The following PCDHA11 variants were observed in gnomAD, a reference collection of about 807,000 sequenced individuals.
PCDHA11 encodes the protein protocadherin alpha-11.
Under a neutral mutation model 70.3 loss-of-function variants are expected in PCDHA11, and 61 were observed. The observed-to-expected ratio is 0.87, with a 90% confidence interval of 0.71 to 1.07. The LOEUF (loss-of-function observed/expected upper bound fraction) is 1.07, where lower values mean the gene tolerates loss of function less well. PCDHA11 is among the 50% of genes least tolerant of loss of function. PCDHA11 has a pLI of 0.00. For missense variants in PCDHA11, 1,324 were observed against 1,237.5 expected (o/e 1.07, Z -1.05); for synonymous variants, 633 against 555.1 (o/e 1.14, Z -1.97).
chr5:140,912,359 G>A (rs1483575347), intron 1 of PCDHA11, among the ~76,000 whole-genome samples: 1 of 131,950 alleles, frequency 7.6e-6, no homozygotes, highest in Non-Finnish European at 1.6e-5. Context: ...TTTTTTTTTT[G>A]CAGCTGTTGT....
intron 1 of PCDHA11, among the ~76,000 whole-genome samples, chr5:140,917,561 C>T (rs1286710001): frequency 6.6e-6 from 1 of 152,214 alleles, no homozygotes; most frequent in Non-Finnish European, 1.5e-5. Flanking sequence ...ACTCTTTAAT[C>T]CATCTCAGGC....
At chr5:140,909,087 T>G (rs2074309493) in intron 1 of PCDHA11, among the ~76,000 whole-genome samples, 1 of 152,234 alleles carries the variant, frequency 6.6e-6, no homozygotes, top group Admixed American at 6.5e-5. Flanking sequence ...TGTTTGCTAC[T>G]TCTCACTCAC....
chr5:140,919,933 T>C (rs2153555434), intron 1 of PCDHA11, among the ~76,000 whole-genome samples: 1 of 152,222 alleles, frequency 6.6e-6, no homozygotes. Flanking sequence ...AGGTGGGGGC[T>C]AATTCCAGTG....
chr5:140,869,328 G>C lies in PCDHA11; in HGVS notation c.225G>C (p.Leu75=). Residue 75 remains leucine, a synonymous_variant, in exon 1 of 4, where the codon CTG becomes CTC. Coordinates refer to ENST00000398640, the MANE Select transcript of PCDHA11 (RefSeq NM_018902.5). ...RVASKTHGDL[L]EVNLQNGILF... is the part of the protein sequence containing the mutation. ...CGTCCAAAACACATGGGGACCTTCT[G>C]GAGGTAAATCTGCAGAATGGCATTT... The C allele has an allele frequency of 1.2e-6, 2 of 1,613,960 alleles. No individual in the cohort carries two copies. The highest frequency in any genetic ancestry group is 1.7e-6 in the Non-Finnish European group (2 of 1,180,028).
chr5:140,883,262 G>T (rs1211665444), intron 1 of PCDHA11: 1 of 1,613,956 alleles, frequency 6.2e-7, no homozygotes. Flanking sequence ...TCCAATGGCG[G>T]GTCATTGTAC....
chr5:140,882,189 T>A, intron 1 of PCDHA11: 6 of 1,519,304 alleles, frequency 3.9e-6, no homozygotes, highest in Non-Finnish European at 5.3e-6. Context: ...TAGGAAGCCA[T>A]AAAAATTGGG....
Position 140,870,678 on chromosome 5 carries a change from G to A in PCDHA11, c.1575G>A (p.Glu525=), listed in dbSNP as rs1304914174. The A allele has an allele frequency of 1.9e-6, 3 of 1,612,744 alleles. No individual in the cohort carries two copies. The highest frequency in any genetic ancestry group is 2.5e-6 in the Non-Finnish European group (3 of 1,179,808). ...KVYALQPLDH[E]ELELLQFQVS... ...ACGCGCTGCAGCCGTTGGACCACGA[G>A]GAGCTGGAGCTGCTACAGTTCCAGG... Residue 525 remains glutamate, a synonymous_variant, in exon 1 of 4, where the codon GAG becomes GAA. Coordinates refer to ENST00000398640, the MANE Select transcript of PCDHA11 (RefSeq NM_018902.5).
intron 1 of PCDHA11, among the ~76,000 whole-genome samples, chr5:140,899,497 T>G (rs2067365308): frequency 6.6e-6 from 1 of 152,254 alleles, no homozygotes; most frequent in South Asian, 2.1e-4. Context: ...TTACATTTAT[T>G]GATTTGCATA....
chr5:140,912,318 C>T (rs1554195270), intron 1 of PCDHA11, among the ~76,000 whole-genome samples: 2 of 151,536 alleles, frequency 1.3e-5, no homozygotes, highest in East Asian at 1.9e-4. Context: ...CAAGTTGACC[C>T]TCAGTATTAA....
At chr5:140,876,980 C>T (rs782646541) in intron 1 of PCDHA11, 18 of 1,612,542 alleles carry the variant, frequency 1.1e-5, no homozygotes, top group Admixed American at 1.7e-5. Flanking sequence ...GGCGAGCACG[C>T]ACTGTCGAGC....
intron 1 of PCDHA11, among the ~76,000 whole-genome samples, chr5:140,909,261 G>A (rs1358542746): frequency 6.6e-6 from 1 of 152,226 alleles, no homozygotes; most frequent in Admixed American, 6.5e-5. Flanking sequence ...CTTGCTGACT[G>A]AAGGCAAATT....
At chr5:140,878,897 A>G (rs1366976155) in intron 1 of PCDHA11, among the ~76,000 whole-genome samples, 1 of 152,232 alleles carries the variant, frequency 6.6e-6, no homozygotes, top group Non-Finnish European at 1.5e-5. Context: ...GACTACAGGC[A>G]GGCTCCACCA....
At chr5:140,887,930 A>G (rs1276226662) in intron 1 of PCDHA11, among the ~76,000 whole-genome samples, 1 of 152,096 alleles carries the variant, frequency 6.6e-6, no homozygotes, top group Non-Finnish European at 1.5e-5. Context: ...CAGAGACCAT[A>G]TTTATTTCTT....
chr5:140,877,902 C>T (rs2153356896), intron 1 of PCDHA11: 1 of 1,438,302 alleles, frequency 7.0e-7, no homozygotes, highest in Middle Eastern at 2.3e-4. Flanking sequence ...TAGGTTATAA[C>T]TACATTCTCT....
chr5:140,994,412 G>C (rs1412198813), intron 3 of PCDHA11, among the ~76,000 whole-genome samples: 1 of 152,068 alleles, frequency 6.6e-6, no homozygotes, highest in Non-Finnish European at 1.5e-5. Flanking sequence ...ATTTAATACT[G>C]GATATTGAGG....
At chr5:140,948,489 T>C (rs547481990) in intron 1 of PCDHA11, among the ~76,000 whole-genome samples, 6 of 151,790 alleles carry the variant, frequency 4.0e-5, no homozygotes, top group Admixed American at 3.3e-4. Context: ...TTCAATTTCT[T>C]TCATAGACTT....
At chr5:140,885,738 C>T (rs1160742683) in intron 1 of PCDHA11, among the ~76,000 whole-genome samples, 5 of 151,978 alleles carry the variant, frequency 3.3e-5, no homozygotes, top group African/African-American at 1.2e-4. Flanking sequence ...TGATATTTCA[C>T]TGTTACTTTA....
At chr5:140,926,441 A>T (rs1476576189) in intron 1 of PCDHA11, 1 of 154,800 alleles carries the variant, frequency 6.5e-6, no homozygotes, top group Non-Finnish European at 1.4e-5. Context: ...AGATCTGGGC[A>T]GCCTCAGGGC....
chr5:140,968,553 G>T (rs782583876), intron 1 of PCDHA11: 1 of 1,614,132 alleles, frequency 6.2e-7, no homozygotes. Context: ...ATGGTGCCTC[G>T]AACTGCCCCT....
Sources: allele counts gnomAD v4.1 joint callset (sites outside exome capture counted in the v4.1 genomes callset), GRCh38; gene constraint gnomAD v4.1.1; transcripts MANE v1.5; gene names NCBI Gene and HGNC (gene_info 2026-07-23, HGNC 2026-07-21).